Variants in TASP1 observed in about 807,000 individuals in gnomAD.
The protein encoded by TASP1 is threonine aspartase 1.
TASP1 carries 16 observed loss-of-function variants against 56.6 expected under a neutral mutation model. The ratio of observed to expected loss-of-function variants is 0.28; its 90% CI spans 0.19 to 0.43. The LOEUF is 0.43. TASP1 is among the 20% of genes least tolerant of loss of function. TASP1 has a pLI of 1.00. For missense variants in TASP1, 393 were observed against 511.6 expected, an observed-to-expected ratio of 0.77 and a Z score of 2.24; for synonymous variants, 179 against 184.2, an observed-to-expected ratio of 0.97 and a Z score of 0.23.
At chr20:13,548,490 C>T (rs1382302224) in intron 8 of TASP1, among the ~76,000 whole-genome samples, 1 of 152,076 alleles carries the variant, frequency 6.6e-6, no homozygotes, top group African/African-American at 2.4e-5. Flanking sequence ...TTCAAATAAA[C>T]CTTCATTAAA....
chr20:13,481,629 T>G (rs2043145224), intron 11 of TASP1, among the ~76,000 whole-genome samples: 1 of 152,232 alleles, frequency 6.6e-6, no homozygotes, highest in Non-Finnish European at 1.5e-5. Flanking sequence ...TGGGGTGAGA[T>G]AACATCTCAT....
At chr20:13,512,082 T>C (rs1443456072) in intron 10 of TASP1, among the ~76,000 whole-genome samples, 1 of 152,178 alleles carries the variant, frequency 6.6e-6, no homozygotes, top group African/African-American at 2.4e-5. Flanking sequence ...GCATGTGTCT[T>C]TATAGCAGCA....
the TASP1 span, among the ~76,000 whole-genome samples, chr20:13,360,900 C>G: frequency 6.6e-6 from 1 of 152,200 alleles, no homozygotes; most frequent in Non-Finnish European, 1.5e-5. Flanking sequence ...TCCTTCTTTC[C>G]TGTTCCTCAC....
the TASP1 span, among the ~76,000 whole-genome samples, chr20:13,354,028 A>C: frequency 6.6e-6 from 1 of 152,232 alleles, no homozygotes; most frequent in Non-Finnish European, 1.5e-5. Flanking sequence ...ATGAGACAAG[A>C]ACAAAGTACT....
At chr20:13,363,977 C>CT in the TASP1 span, among the ~76,000 whole-genome samples, 4 of 152,052 alleles carry the variant, frequency 2.6e-5, no homozygotes. Flanking sequence ...ATGCCAATTT[C>CT]TTCCTATGAG....
chr20:13,562,702 C>A (rs939373540), intron 7 of TASP1, among the ~76,000 whole-genome samples: 1 of 151,442 alleles, frequency 6.6e-6, no homozygotes, highest in Non-Finnish European at 1.5e-5. Context: ...CATGGTGAAA[C>A]CCTGTCTCTA....
the TASP1 span, among the ~76,000 whole-genome samples, chr20:13,270,950 C>T: frequency 6.6e-6 from 1 of 152,058 alleles, no homozygotes; most frequent in African/African-American, 2.4e-5. Flanking sequence ...ATTTTGTGAA[C>T]CACTCAAAAG....
chr20:13,210,876 T>G, the TASP1 span, among the ~76,000 whole-genome samples: 1 of 152,192 alleles, frequency 6.6e-6, no homozygotes, highest in Non-Finnish European at 1.5e-5. Context: ...ATTTACTATT[T>G]TATTTAACCT....
Position 13,390,423 on chromosome 20 carries a change from C to G in TASP1, c.1200G>C (p.Ala400=). The part of the protein sequence containing the change: ...KTHISRLPPG[A]VAGQSVAIEG... ...CGATTGCCACAGACTGTCCTGCCAC[C>G]GCACCAGGAGGAAGTCTTGAAATGT... The change falls in exon 14 of 14, where the codon GCG becomes GCC. Residue 400 remains alanine, a synonymous_variant. Transcript: ENST00000337743. The G allele has an allele frequency of 6.2e-7, 1 of 1,613,890 alleles. No individual in the cohort carries two copies. Among genetic ancestry groups the G allele is most frequent in the East Asian group, 2.2e-5 (1 of 44,860 alleles).
chr20:13,421,400 T>C (rs1176464964), intron 12 of TASP1, among the ~76,000 whole-genome samples: 2 of 151,934 alleles, frequency 1.3e-5, no homozygotes, highest in Non-Finnish European at 2.9e-5. Flanking sequence ...TTTTTGCCAT[T>C]TGGAGAAAAA....
At chr20:13,411,913 T>C (rs1157136297) in intron 13 of TASP1, among the ~76,000 whole-genome samples, 1 of 152,194 alleles carries the variant, frequency 6.6e-6, no homozygotes, top group Non-Finnish European at 1.5e-5. Flanking sequence ...CCTGTACATG[T>C]TGGGAGCAGG....
chr20:13,270,820 G>A, the TASP1 span: 1 of 1,402,992 alleles, frequency 7.1e-7, no homozygotes, highest in Non-Finnish European at 9.8e-7. Flanking sequence ...AGTGGAAACT[G>A]CTGCCTTACC....
intron 2 of TASP1, among the ~76,000 whole-genome samples, chr20:13,627,459 A>G (rs1403765628): frequency 6.6e-6 from 1 of 152,196 alleles, no homozygotes; most frequent in Non-Finnish European, 1.5e-5. Flanking sequence ...CAAAGTTAAA[A>G]CTGTTGAACC....
intron 8 of TASP1, among the ~76,000 whole-genome samples, chr20:13,540,926 C>T (rs1046788941): frequency 7.3e-5 from 11 of 150,370 alleles, no homozygotes; most frequent in African/African-American, 2.7e-4. Context: ...AAAAACAAAA[C>T]CAAACATTCA....
chr20:13,597,575 A>T (rs1341111046), intron 4 of TASP1, among the ~76,000 whole-genome samples: 1 of 152,232 alleles, frequency 6.6e-6, no homozygotes, highest in Non-Finnish European at 1.5e-5. Flanking sequence ...AGCCAATATC[A>T]TACTGGATGG....
At chr20:13,317,088 G>T in the TASP1 span, among the ~76,000 whole-genome samples, 1 of 151,854 alleles carries the variant, frequency 6.6e-6, no homozygotes. Context: ...AATTATAGCG[G>T]CATTGCAGGA....
the TASP1 span, chr20:13,292,362 G>A: frequency 1.3e-6 from 2 of 1,565,254 alleles, no homozygotes; most frequent in Non-Finnish European, 1.7e-6. Context: ...ATGAGCTCTT[G>A]TCTGTGTTTA....
chr20:13,625,042 C>A, intron 3 of TASP1, 143 bp downstream of exon 3: 2 of 518,722 alleles, frequency 3.9e-6, no homozygotes, highest in Non-Finnish European at 6.6e-6. Context: ...ACAAAACGAT[C>A]CCCTACAAAA....
chr20:13,231,028 TC>T, the TASP1 span, among the ~76,000 whole-genome samples: 10 of 152,122 alleles, frequency 6.6e-5, no homozygotes, highest in East Asian at 1.9e-3. Context: ...TTCCCTGCCT[TC>T]CTCCCTCTTC....
Sources: allele counts gnomAD v4.1 joint callset (sites outside exome capture counted in the v4.1 genomes callset), GRCh38; gene constraint gnomAD v4.1.1; transcripts MANE v1.5; gene names NCBI Gene and HGNC (gene_info 2026-07-23, HGNC 2026-07-21).